The following STARD8 variants were observed in gnomAD, a reference collection of about 807,000 sequenced individuals.
STARD8 encodes the protein StAR related lipid transfer domain containing 8.
STARD8 carries 25 observed loss-of-function variants against 69.4 expected under a neutral mutation model. The ratio of observed to expected loss-of-function variants is 0.36; its 90% CI spans 0.26 to 0.50. The LOEUF is 0.50. STARD8 is among the 20% of genes least tolerant of loss of function. The pLI, the probability that STARD8 is intolerant of heterozygous loss-of-function variation, is 0.96. For missense variants in STARD8, 921 were observed against 932.5 expected (o/e 0.99, Z 0.16); for synonymous variants, 389 against 374.6 (o/e 1.04, Z -0.45).
chrX:68,710,345 C>T (rs924175141), intron 2 of STARD8, among the ~76,000 whole-genome samples: 1 of 112,260 alleles, frequency 8.9e-6, no homozygotes, highest in African/African-American at 3.2e-5. Flanking sequence ...TATGTGCATC[C>T]AGGGGTGAGA....
chrX:68,679,969 A>G lies in STARD8; in HGVS notation c.79+14437A>G, dbSNP rs184440111. On this transcript the variant is annotated intron_variant, in intron 2 of 14. Coordinates refer to ENST00000374599, the MANE Select transcript of STARD8 (RefSeq NM_001142503.3). Reference sequence around the variant, plus strand: ...ACGCTCCGCCCTTTTCACAGCTTCCATGTATGTGCACCCCTATCTGTTCAA... The same window carrying G: ...ACGCTCCGCCCTTTTCACAGCTTCCGTGTATGTGCACCCCTATCTGTTCAA... Among the ~76,000 whole-genome samples the G allele has an allele frequency of 4.5e-3, 502 of 111,828 alleles. 5 individuals are homozygous for G. Among genetic ancestry groups the G allele is most frequent in the African/African-American group, 0.015 (471 of 30,760 alleles).
intron 2 of STARD8, among the ~76,000 whole-genome samples, chrX:68,694,343 A>G (rs1227356069): frequency 8.9e-6 from 1 of 112,780 alleles, no homozygotes; most frequent in African/African-American, 3.2e-5. Flanking sequence ...ACTTCTTGGT[A>G]TTAAGATAGC....
At chrX:68,650,722 G>T (rs1210248446) in intron 1 of STARD8, among the ~76,000 whole-genome samples, 1 of 110,212 alleles carries the variant, frequency 9.1e-6, no homozygotes, top group Non-Finnish European at 1.9e-5. Flanking sequence ...GAGGATGGCT[G>T]CAGTGAGTCA....
At chrX:68,723,372 G>C (rs2080168206) in intron 12 of STARD8, among the ~76,000 whole-genome samples, 1 of 112,731 alleles carries the variant, frequency 8.9e-6, no homozygotes, top group South Asian at 3.7e-4. Context: ...GGTAGGGCCT[G>C]AGAGGCCTCT....
intron 1 of STARD8, among the ~76,000 whole-genome samples, chrX:68,653,288 C>CCACA (rs2079580662): frequency 2.4e-5 from 1 of 41,104 alleles, no homozygotes; most frequent in Non-Finnish European, 4.8e-5. Flanking sequence ...CACACACACA[C>CCACA]CACACACCAC....
intron 2 of STARD8, among the ~76,000 whole-genome samples, chrX:68,685,142 G>T (rs2079823534): frequency 8.9e-6 from 1 of 111,964 alleles, no homozygotes; most frequent in Non-Finnish European, 1.9e-5. Flanking sequence ...CCAGGAACAA[G>T]GTATGGAGAC....
intron 2 of STARD8, among the ~76,000 whole-genome samples, chrX:68,695,206 T>C (rs2079910714): frequency 9.2e-6 from 1 of 108,471 alleles, no homozygotes; most frequent in Admixed American, 1.0e-4. Flanking sequence ...CCCAAAGGCA[T>C]GGAGAAGAAG....
intron 2 of STARD8, among the ~76,000 whole-genome samples, chrX:68,668,050 CTCTT>C (rs1321451664): frequency 7.2e-5 from 7 of 97,587 alleles, no homozygotes; most frequent in South Asian, 5.0e-4. Flanking sequence ...CTCTTTCTCT[CTCTT>C]TCTTTTCTTT....
chrX:68,718,503 A>G lies in STARD8; in HGVS notation c.1589A>G (p.Glu530Gly). ...TCTGACACTGTGGCCTCCTCCAGCG[A>G]ACTTGACAGTAGTGGGAACTCCATG... The part of the protein sequence containing the change: ...SISDTVASSS[E>G]LDSSGNSMNE... The change falls in exon 6 of 15, where the codon GAA becomes GGA. Residue 530 changes from glutamate to glycine, a missense_variant. Transcript: ENST00000374599. The G allele has an allele frequency of 8.2e-7, 1 of 1,212,160 alleles. No individual in the cohort carries two copies. The highest frequency in any genetic ancestry group is 1.1e-6 in the Non-Finnish European group (1 of 895,582).
intron 2 of STARD8, among the ~76,000 whole-genome samples, chrX:68,683,615 G>A (rs1049811393): frequency 5.4e-4 from 60 of 111,971 alleles, no homozygotes; most frequent in African/African-American, 1.7e-3. Flanking sequence ...AGGAAAAGAT[G>A]AATTTTAATA....
At chrX:68,676,974 C>T (rs1282287413) in intron 2 of STARD8, among the ~76,000 whole-genome samples, 2 of 106,979 alleles carry the variant, frequency 1.9e-5, no homozygotes, top group Non-Finnish European at 3.9e-5. Flanking sequence ...AGGGAGACCC[C>T]GCCCCTACCA....
In STARD8 at chrX:68,647,915, C is replaced by T. The variant is rs1358993888; in HGVS notation, c.33C>T (p.Phe11=). MPLLDVFWSC[F]RKVKCFPLLQ... Reference sequence around the variant, plus strand: ...TGCTGGACGTTTTCTGGTCTTGCTTCAGGAAGGTGAAGGTAAGTGACTGGC... The same window carrying T: ...TGCTGGACGTTTTCTGGTCTTGCTTTAGGAAGGTGAAGGTAAGTGACTGGC... Residue 11 remains phenylalanine (F), a synonymous_variant, in exon 1 of 15, where the codon TTC becomes TTT. Coordinates refer to ENST00000374599, the MANE Select transcript of STARD8 (RefSeq NM_001142503.3). 10 of 1,200,769 alleles carry T rather than the reference C, an allele frequency of 8.3e-6. No individual in the cohort carries two copies. In the South Asian group the frequency reaches 1.5e-4, roughly 17 times the overall value.
Position 68,718,605 on chromosome X carries a change from G to A in STARD8, c.1691G>A (p.Gly564Glu), listed in dbSNP as rs2147935922. 8.3e-7 allele frequency: 1 copy of A among 1,202,990 alleles called. No homozygotes were observed. Among genetic ancestry groups the A allele is most frequent in the African/African-American group, 1.7e-5 (1 of 57,367 alleles). The change falls in exon 6 of 15, where the codon GGG becomes GAG. Residue 564 changes from glycine (G) to glutamate (E), a missense_variant. Transcript: ENST00000374599. ...MPRERRDSGVGASLTRPCRKL... is the reference protein window; with the variant it reads ...MPRERRDSGVEASLTRPCRKL... ...CGTGAACGGCGCGATTCAGGTGTTGGGGCCTCACTTACCAGACCCTGCAGG... is the reference window on the plus strand; with the variant it reads ...CGTGAACGGCGCGATTCAGGTGTTGAGGCCTCACTTACCAGACCCTGCAGG...
chrX:68,716,200 A>G (rs945731648), intron 4 of STARD8, among the ~76,000 whole-genome samples, 168 bp from the exon 5 acceptor site: 1 of 112,074 alleles, frequency 8.9e-6, no homozygotes, highest in African/African-American at 3.2e-5. Flanking sequence ...TGGAGGGCAG[A>G]GGCCATAATC....
intron 2 of STARD8, among the ~76,000 whole-genome samples, chrX:68,707,273 C>T (rs2080015018): frequency 1.8e-5 from 2 of 112,320 alleles, no homozygotes; most frequent in Non-Finnish European, 3.8e-5. Flanking sequence ...ACTCAATGAC[C>T]TTCACAAACA....
At chrX:68,695,429 A>T (rs1190784941) in intron 2 of STARD8, among the ~76,000 whole-genome samples, 1 of 110,455 alleles carries the variant, frequency 9.1e-6, no homozygotes, top group Middle Eastern at 4.3e-3. Context: ...TGCTCCCTAG[A>T]CCTCTATATT....
chrX:68,695,672 G>A (rs1419969555), intron 2 of STARD8, among the ~76,000 whole-genome samples: 1 of 111,612 alleles, frequency 9.0e-6, no homozygotes, highest in East Asian at 2.8e-4. Context: ...CATGTGGGGA[G>A]GATGGCAGAG....
At chrX:68,666,585 C>T (rs1021204568) in intron 2 of STARD8, among the ~76,000 whole-genome samples, 2 of 112,149 alleles carry the variant, frequency 1.8e-5, no homozygotes, top group South Asian at 3.7e-4. Flanking sequence ...TTCCCAAGGA[C>T]GTTTCCATCT....
In STARD8 at chrX:68,723,716, C is replaced by T; in HGVS notation, c.2890C>T (p.Arg964Trp). ...GGTGCTGCATCGTGTTCTCCGGGAG[C>T]GGGCCCTCTGGGATGAGGATCTGCT... ...AVVLHRVLRE[R>W]ALWDEDLLRA... is the part of the protein sequence containing the mutation. The change falls in exon 13 of 15, where the codon CGG becomes TGG. Residue 964 changes from arginine to tryptophan, a missense_variant. By Grantham distance (101) the Arg-to-Trp change is moderately radical (BLOSUM62 -3). Coordinates refer to ENST00000374599, the MANE Select transcript of STARD8 (RefSeq NM_001142503.3). 1 of 1,192,952 alleles carries T rather than the reference C, an allele frequency of 8.4e-7. No individual in the cohort carries two copies. The highest frequency in any genetic ancestry group is 1.1e-6 in the Non-Finnish European group (1 of 885,830).
Sources: gnomAD v4.1 joint callset for allele counts (sites outside exome capture counted in the v4.1 genomes callset) on GRCh38, gnomAD v4.1.1 for gene constraint, MANE v1.5 for transcripts, NCBI Gene and HGNC (gene_info 2026-07-23, HGNC 2026-07-21) for gene names.